The following CACNA2D3 variants were observed in gnomAD, a reference collection of about 807,000 sequenced individuals.
The protein encoded by CACNA2D3 is voltage-dependent calcium channel subunit alpha-2/delta-3.
In CACNA2D3, 60 loss-of-function variants were observed where a neutral mutation model predicts 160.6. The observed-to-expected ratio is 0.37, with a 90% confidence interval of 0.30 to 0.46. CACNA2D3 has a LOEUF of 0.46. CACNA2D3 is among the 20% of genes least tolerant of loss of function. CACNA2D3 has a pLI of 1.00. For synonymous variants in CACNA2D3, 558 were observed against 492.9 expected, an observed-to-expected ratio of 1.13 and a Z score of -1.75; for missense variants, 1,205 against 1,365.0, an observed-to-expected ratio of 0.88 and a Z score of 1.85.
chr3:54,777,397 C>A (rs1051971053), intron 13 of CACNA2D3, among the ~76,000 whole-genome samples: 1 of 152,146 alleles, frequency 6.6e-6, no homozygotes, highest in African/African-American at 2.4e-5. Flanking sequence ...TCTTATTAGA[C>A]GTACAGAGCA....
intron 5 of CACNA2D3, among the ~76,000 whole-genome samples, chr3:54,516,867 C>T (rs562826875): frequency 1.8e-4 from 28 of 152,188 alleles, no homozygotes; most frequent in African/African-American, 5.1e-4. Flanking sequence ...AGACAAAGTG[C>T]CCCCAAAATC....
chr3:54,827,584 G>A (rs371110326), intron 14 of CACNA2D3, among the ~76,000 whole-genome samples: 1 of 152,102 alleles, frequency 6.6e-6, no homozygotes, highest in South Asian at 2.1e-4. Context: ...TCAGCTGGAC[G>A]TTGTGCACCA....
At chr3:54,155,954 G>A (rs894607262) in intron 2 of CACNA2D3, among the ~76,000 whole-genome samples, 4 of 152,184 alleles carry the variant, frequency 2.6e-5, no homozygotes, top group African/African-American at 9.7e-5. Context: ...TGTGATCTTG[G>A]CCTTTTCAAC....
At chr3:54,795,910 A>G (rs1357814708) in intron 13 of CACNA2D3, among the ~76,000 whole-genome samples, 3 of 152,230 alleles carry the variant, frequency 2.0e-5, no homozygotes, top group African/African-American at 7.2e-5. Flanking sequence ...ATAGATTTCA[A>G]AATCATAGGA....
At chr3:54,392,109 A>G (rs1243205939) in intron 4 of CACNA2D3, among the ~76,000 whole-genome samples, 1 of 152,186 alleles carries the variant, frequency 6.6e-6, no homozygotes, top group Non-Finnish European at 1.5e-5. Flanking sequence ...ACATGTAATT[A>G]TTTTAGTGTT....
At chr3:54,311,374 C>T (rs940076374) in intron 2 of CACNA2D3, among the ~76,000 whole-genome samples, 4 of 152,272 alleles carry the variant, frequency 2.6e-5, no homozygotes, top group African/African-American at 4.8e-5. Flanking sequence ...GACTCATGAC[C>T]GTCTCATTAC....
intron 35 of CACNA2D3, among the ~76,000 whole-genome samples, chr3:55,039,967 T>TA (rs11346405): frequency 7.9e-4 from 119 of 150,498 alleles, no homozygotes; most frequent in African/African-American, 2.4e-3. Flanking sequence ...GGCTGCTGTT[T>TA]AAAAAAAAAA....
rs1342785771 is a variant in CACNA2D3, at chr3:54,752,684, C to T, written c.1246+7C>T. On this transcript the variant is annotated splice_region_variant and intron_variant, in intron 12 of 37. Coordinates refer to ENST00000474759, the MANE Select transcript of CACNA2D3 (RefSeq NM_018398.3). ...ATGGCCTGTGCCAACAAAGGTGGGT[C>T]TTCGCATTGTGCTCGGCTCTGAATA... 6.2e-7 allele frequency: 1 copy of T among 1,607,342 alleles called. No homozygotes were observed. Among genetic ancestry groups the T allele is most frequent in the East Asian group, 2.2e-5 (1 of 44,706 alleles).
chr3:54,426,040 CT>C (rs1159888483), intron 4 of CACNA2D3, among the ~76,000 whole-genome samples: 2 of 152,206 alleles, frequency 1.3e-5, no homozygotes, highest in Admixed American at 1.3e-4. Context: ...GTTGTTCCTT[CT>C]GGTCAGACAG....
intron 14 of CACNA2D3, among the ~76,000 whole-genome samples, chr3:54,827,233 C>T (rs2106737693): frequency 6.6e-6 from 1 of 152,354 alleles, no homozygotes; most frequent in Non-Finnish European, 1.5e-5. Flanking sequence ...AACTCCTTCA[C>T]TTGTGAAATG....
rs114051945 is a variant in CACNA2D3, at chr3:54,148,704, C to T, written c.204+25110C>T. ...TTAAGAAGACAGCTCGGGCCGGGTG[C>T]GGTGGCTCACGCCTGTATTCCCAGC... On this transcript the variant is annotated intron_variant, in intron 2 of 37. Coordinates refer to ENST00000474759, the MANE Select transcript of CACNA2D3 (RefSeq NM_018398.3). 4.0e-3 allele frequency among the ~76,000 whole-genome samples: 606 copies of T among 152,226 alleles called. 6 individuals carry two copies. The highest frequency in any genetic ancestry group is 0.014 in the African/African-American group (578 of 41,548).
intron 13 of CACNA2D3, among the ~76,000 whole-genome samples, chr3:54,795,437 A>C: frequency 6.6e-6 from 1 of 152,082 alleles, no homozygotes; most frequent in East Asian, 1.9e-4. Context: ...TTATATAGTA[A>C]TTTTTGAACA....
intron 35 of CACNA2D3, 142 bp downstream of exon 35, chr3:55,018,459 A>G (rs1403660899): frequency 3.3e-6 from 2 of 608,160 alleles, no homozygotes; most frequent in Non-Finnish European, 6.0e-6. Flanking sequence ...TATTTCTATC[A>G]GCTTGGAAGA....
intron 11 of CACNA2D3, among the ~76,000 whole-genome samples, chr3:54,735,070 C>T (rs539487234): frequency 4.6e-5 from 7 of 152,298 alleles, no homozygotes; most frequent in Admixed American, 2.0e-4. Flanking sequence ...GTTCTTCAGC[C>T]GCTAAAGAAG....
chr3:54,277,696 T>A (rs182970261), intron 2 of CACNA2D3, among the ~76,000 whole-genome samples: 1 of 152,208 alleles, frequency 6.6e-6, no homozygotes, highest in Non-Finnish European at 1.5e-5. Context: ...GGGGATAGCA[T>A]TGAATCTATA....
At chr3:54,259,614 C>T (rs191683461) in intron 2 of CACNA2D3, among the ~76,000 whole-genome samples, 42 of 152,268 alleles carry the variant, frequency 2.8e-4, no homozygotes, top group African/African-American at 9.6e-4. Context: ...GCCGCTTGTT[C>T]CTAGGACTCA....
At chr3:54,444,043 G>A (rs543347809) in intron 4 of CACNA2D3, among the ~76,000 whole-genome samples, 1 of 152,272 alleles carries the variant, frequency 6.6e-6, no homozygotes, top group African/African-American at 2.4e-5. Flanking sequence ...AGGAAGGAGT[G>A]GAGACCCGGG....
intron 16 of CACNA2D3, among the ~76,000 whole-genome samples, chr3:54,842,593 C>CT (rs1215382528): frequency 1.0e-4 from 14 of 137,678 alleles, no homozygotes; most frequent in African/African-American, 1.9e-4. Flanking sequence ...TTCTCTTTTT[C>CT]TTTTTTTTCT....
intron 27 of CACNA2D3, chr3:54,918,487 TTTTC>T (rs1315407128): frequency 5.0e-6 from 8 of 1,613,736 alleles, no homozygotes; most frequent in Middle Eastern, 3.3e-4. Context: ...AAATCGCTCT[TTTTC>T]TTCCACCTTC....
Sources: gnomAD v4.1 joint callset for allele counts (sites outside exome capture counted in the v4.1 genomes callset) on GRCh38, gnomAD v4.1.1 for gene constraint, MANE v1.5 for transcripts, NCBI Gene and HGNC (gene_info 2026-07-23, HGNC 2026-07-21) for gene names.